The following GKAP1 variants were observed in gnomAD, a reference collection of about 807,000 sequenced individuals.
GKAP1 encodes the protein G kinase anchoring protein 1, also known as G kinase-anchoring protein 1.
A neutral mutation model predicts 56.7 loss-of-function variants in GKAP1; 31 were observed. That is an observed-to-expected ratio of 0.55 (90% CI 0.41 to 0.74). The LOEUF is 0.74. Ranked by LOEUF, GKAP1 falls within the 30% of genes least tolerant of loss-of-function variation. The probability of loss-of-function intolerance (pLI) is 0.00; values close to 1 mark genes in which losing one functional copy is unlikely to be tolerated. For synonymous variants in GKAP1, 151 were observed against 138.6 expected (o/e 1.09, Z -0.63); for missense variants, 364 against 402.3 (o/e 0.90, Z 0.82).
At chr9:83,783,794 C>T (rs1296359620) in intron 6 of GKAP1, among the ~76,000 whole-genome samples, 1 of 152,134 alleles carries the variant, frequency 6.6e-6, no homozygotes, top group Middle Eastern at 3.2e-3. Flanking sequence ...ACTCAAACTA[C>T]AAATGTCAGT....
rs761059174 is a variant in GKAP1 at position 83,780,384 on chromosome 9, C to T, written c.583G>A (p.Glu195Lys). The T allele has an allele frequency of 2.3e-6, 3 of 1,297,124 alleles. No homozygotes were observed. The highest frequency in any genetic ancestry group is 2.1e-6 in the Non-Finnish European group (2 of 954,286). 80.4% of individuals were successfully genotyped at this position (1,297,124 alleles called of 1,614,324 possible). A position where few individuals can be genotyped will look rare whatever the true frequency, so the allele number is the denominator to read the frequency against. The change falls in exon 7 of 13, where the codon GAG (glutamate) becomes AAG (lysine). Residue 195 changes from glutamate to lysine, a missense_variant and splice_region_variant. Physicochemically the swap from Glu to Lys is moderately conservative, Grantham distance 56. Transcript: ENST00000376371. Reference protein sequence around the residue: ...HSEDHISKKTEELSSSQTLSH... With the variant: ...HSEDHISKKTKELSSSQTLSH... ...AAGATGGCTACAATAAGACTTACCT[C>T]AGTCTTTTTACTAATGTGATCTGTA...
rs527953861 is a variant in GKAP1 at position 83,775,747 on chromosome 9, C to T, written c.585+4635G>A. On this transcript the variant is annotated intron_variant, in intron 7 of 12. Coordinates refer to ENST00000376371, the MANE Select transcript of GKAP1 (RefSeq NM_025211.4). ...AAAATTAACTGGGCGTGGTGCTGGG[C>T]GCCTGTAATCCCAGCTACTCGGGAA... Among the ~76,000 whole-genome samples the T allele has an allele frequency of 1.9e-3, 288 of 151,254 alleles. 2 individuals carry two copies. Among genetic ancestry groups the T allele is most frequent in the African/African-American group, 6.5e-3 (269 of 41,254 alleles).
intron 4 of GKAP1, among the ~76,000 whole-genome samples, chr9:83,798,965 A>C (rs922391109): frequency 6.6e-6 from 1 of 152,212 alleles, no homozygotes; most frequent in Non-Finnish European, 1.5e-5. Context: ...AAACCACAAA[A>C]TAACTGCTTC....
Position 83,757,009 on chromosome 9 carries a change from A to C in GKAP1, c.739-3650T>G, listed in dbSNP as rs1943488950. Among the ~76,000 whole-genome samples, 4 of 152,368 alleles carry C rather than the reference A, an allele frequency of 2.6e-5. No homozygotes were observed. In the South Asian group the frequency reaches 8.3e-4, roughly 32 times the overall value. On this transcript the variant is annotated intron_variant, in intron 8 of 12. Transcript: ENST00000376371. ...CTAAAATGAGGATGAAAAGATGTAC[A>C]AGATAAAGCCTATGCTGACAAGGGC...
chr9:83,763,348 G>GA (rs557535291), intron 8 of GKAP1, among the ~76,000 whole-genome samples: 1 of 152,186 alleles, frequency 6.6e-6, no homozygotes, highest in Non-Finnish European at 1.5e-5. Context: ...AAGTTAGAAA[G>GA]AATGAATAAG....
At chr9:83,805,087 A>C (rs945238227) in intron 3 of GKAP1, among the ~76,000 whole-genome samples, 1 of 152,184 alleles carries the variant, frequency 6.6e-6, no homozygotes, top group Non-Finnish European at 1.5e-5. Flanking sequence ...TGTAGAAAGA[A>C]GTAGACATGG....
intron 3 of GKAP1, among the ~76,000 whole-genome samples, chr9:83,802,214 C>T (rs1482972768): frequency 6.6e-6 from 1 of 152,186 alleles, no homozygotes; most frequent in Non-Finnish European, 1.5e-5. Context: ...GGCGCAGTGG[C>T]TCACACCTGC....
intron 6 of GKAP1, among the ~76,000 whole-genome samples, chr9:83,783,421 T>C (rs1024534726): frequency 6.6e-6 from 1 of 152,224 alleles, no homozygotes. Context: ...AGAAACTACA[T>C]TTTCATTTTA....
chr9:83,745,289 C>T (rs1304002964), intron 10 of GKAP1, among the ~76,000 whole-genome samples: 1 of 152,348 alleles, frequency 6.6e-6, no homozygotes, highest in East Asian at 1.9e-4. Flanking sequence ...CTGTCTCAAC[C>T]TCCCAAAGCT....
At chr9:83,801,734 T>C (rs1179759536) in intron 3 of GKAP1, among the ~76,000 whole-genome samples, 1 of 152,224 alleles carries the variant, frequency 6.6e-6, no homozygotes, top group African/African-American at 2.4e-5. Context: ...TATTCTCTAA[T>C]ATAAACTCCA....
intron 7 of GKAP1, among the ~76,000 whole-genome samples, chr9:83,775,904 G>GAGAAA (rs1214476472): frequency 1.4e-5 from 2 of 144,500 alleles, no homozygotes; most frequent in African/African-American, 2.6e-5. Flanking sequence ...AAAAAAGAGA[G>GAGAAA]AGAAAAGAAA....
At chr9:83,743,234 C>T (rs1264196965) in intron 10 of GKAP1, among the ~76,000 whole-genome samples, 1 of 152,048 alleles carries the variant, frequency 6.6e-6, no homozygotes, top group East Asian at 1.9e-4. Context: ...CTAAATAGGA[C>T]AAGGATACAA....
At chr9:83,756,847 C>T (rs3763622) in intron 8 of GKAP1, among the ~76,000 whole-genome samples, 85,709 of 152,028 alleles carry the variant, frequency 0.56, 24,773 homozygotes, top group Admixed American at 0.7. Context: ...TACTTATCAG[C>T]AGTTCCCAAA....
intron 4 of GKAP1, among the ~76,000 whole-genome samples, chr9:83,789,700 A>T (rs1249571421): frequency 6.6e-6 from 1 of 152,156 alleles, no homozygotes; most frequent in East Asian, 1.9e-4. Context: ...CCAATGACAA[A>T]AGGTGGGGGC....
intron 8 of GKAP1, among the ~76,000 whole-genome samples, chr9:83,755,446 C>T (rs1172858386): frequency 6.6e-6 from 1 of 152,060 alleles, no homozygotes; most frequent in Non-Finnish European, 1.5e-5. Flanking sequence ...TTATTGTTTA[C>T]AATTTCCTTT....
intron 3 of GKAP1, among the ~76,000 whole-genome samples, chr9:83,803,660 C>T (rs1439684076): frequency 6.6e-6 from 1 of 152,162 alleles, no homozygotes; most frequent in East Asian, 1.9e-4. Context: ...ATTGCAGCCT[C>T]TGCCCGGCCG....
intron 4 of GKAP1, 84 bp from the exon 5 acceptor site, chr9:83,788,762 G>C: frequency 1.3e-5 from 9 of 709,906 alleles, no homozygotes; most frequent in Middle Eastern, 5.0e-4. Context: ...TATATACAGA[G>C]GAAAAGAAAG....
At chr9:83,812,592 A>C (rs1473477041) in intron 2 of GKAP1, among the ~76,000 whole-genome samples, 4 of 150,966 alleles carry the variant, frequency 2.6e-5, no homozygotes, top group African/African-American at 9.7e-5. Flanking sequence ...CTCCTACCTC[A>C]GCCTCCCAAA....
chr9:83,742,065 G>C (rs1943217876), intron 11 of GKAP1, 36 bp from the exon 12 acceptor site: 7 of 1,396,434 alleles, frequency 5.0e-6, no homozygotes, highest in Non-Finnish European at 7.0e-6. Flanking sequence ...AAGAATTTTT[G>C]GGGTTTTTGG....
Sources: allele counts gnomAD v4.1 joint callset (sites outside exome capture counted in the v4.1 genomes callset), GRCh38; gene constraint gnomAD v4.1.1; transcripts MANE v1.5; gene names NCBI Gene and HGNC (gene_info 2026-07-23, HGNC 2026-07-21).